PIK3AP1: variants seen among roughly 807,000 people sequenced by gnomAD.
PIK3AP1 encodes phosphoinositide 3-kinase adapter protein 1.
PIK3AP1 carries 21 observed loss-of-function variants against 88.1 expected under a neutral mutation model. The observed-to-expected ratio is 0.24, with a 90% CI of 0.17 to 0.34. The LOEUF (loss-of-function observed/expected upper bound fraction) is 0.34. PIK3AP1 is among the 10% of genes least tolerant of loss of function. PIK3AP1 has a pLI of 1.00. For synonymous variants in PIK3AP1, 398 were observed against 400.0 expected (o/e 1.00, Z 0.06); for missense variants, 828 against 1,035.7 (o/e 0.80, Z 2.75).
chr10:96,696,843 T>C (rs1027444709), intron 2 of PIK3AP1, among the ~76,000 whole-genome samples: 1 of 152,260 alleles, frequency 6.6e-6, no homozygotes, highest in African/African-American at 2.4e-5. Flanking sequence ...GGATAATTTG[T>C]TAGCTGAAGT....
At position 96,593,921 on chromosome 10, in the gene PIK3AP1, CATT is replaced by C. The variant is rs1284121805; in HGVS notation, c.*1653_*1655del. The stretch of plus-strand genomic sequence containing the variant: ...ATGAAATTGAGAAAGAACCTTTAAT[CATT>C]AGAAAAGGACCCAATAAAACTATAC... On this transcript the variant is annotated 3_prime_UTR_variant, in exon 17 of 17. Coordinates refer to ENST00000339364, the MANE Select transcript of PIK3AP1 (RefSeq NM_152309.3). The C allele has an allele frequency of 6.6e-6, 1 of 152,182 alleles. No homozygotes were observed. Among genetic ancestry groups the C allele is most frequent in the Non-Finnish European group, 1.5e-5 (1 of 68,032 alleles). 9.4% of individuals were successfully genotyped at this position (152,182 alleles called of 1,614,324 possible). A position where few individuals can be genotyped will look rare whatever the true frequency, so the allele number is the denominator to read the frequency against.
At chr10:96,717,690 G>T (rs750067985) in intron 1 of PIK3AP1, among the ~76,000 whole-genome samples, 34 of 152,172 alleles carry the variant, frequency 2.2e-4, no homozygotes, top group Non-Finnish European at 3.8e-4. Context: ...ACACAGAGGA[G>T]AGAGTACTAG....
chr10:96,719,905 G>C (rs1465238221), intron 1 of PIK3AP1, among the ~76,000 whole-genome samples: 3 of 152,198 alleles, frequency 2.0e-5, no homozygotes, highest in Non-Finnish European at 4.4e-5. Flanking sequence ...GAGGAACGGG[G>C]CTTGGGGAAC....
Position 96,595,239 on chromosome 10 carries a change from A to G in PIK3AP1, c.*338T>C, listed in dbSNP as rs1848735351. 3.4e-6 allele frequency: 1 copy of G among 290,864 alleles called. No individual in the cohort carries two copies. Among genetic ancestry groups the G allele is most frequent in the South Asian group, 5.8e-5 (1 of 17,258 alleles). The allele number at this position is 290,864 out of a possible 1,614,324, so 18.0% of individuals were successfully genotyped here. ...AAGACTAATATAAGTGCATTTCAGT[A>G]AAATCACTGGTGAAGTACATTTATG... is the stretch of plus-strand genomic sequence containing the variant. On this transcript the variant is annotated 3_prime_UTR_variant, in exon 17 of 17. Coordinates refer to ENST00000339364, the MANE Select transcript of PIK3AP1 (RefSeq NM_152309.3).
intron 2 of PIK3AP1, among the ~76,000 whole-genome samples, chr10:96,689,423 A>G (rs1046668797): frequency 2.0e-5 from 3 of 151,296 alleles, no homozygotes; most frequent in Admixed American, 2.0e-4. Context: ...AAAAAAAATT[A>G]GCTGGGCGTG....
chr10:96,694,380 CTG>C (rs1309104481), intron 2 of PIK3AP1, among the ~76,000 whole-genome samples: 1 of 152,062 alleles, frequency 6.6e-6, no homozygotes, highest in Admixed American at 6.6e-5. Context: ...ATGCCACTAA[CTG>C]TGTAATACTG....
chr10:96,597,256 TTC>T (rs1173947142), intron 16 of PIK3AP1, among the ~76,000 whole-genome samples: 2 of 139,244 alleles, frequency 1.4e-5, no homozygotes, highest in African/African-American at 5.3e-5. Flanking sequence ...CCTTCTTTTT[TTC>T]TTTCTTTCTT....
chr10:96,715,530 ACT>A (rs1050641696), intron 1 of PIK3AP1, among the ~76,000 whole-genome samples: 4 of 152,124 alleles, frequency 2.6e-5, no homozygotes, highest in Admixed American at 1.3e-4. Context: ...CTATATGAGA[ACT>A]CTCTGTACTA....
At chr10:96,678,826 G>C (rs918260343) in intron 2 of PIK3AP1, among the ~76,000 whole-genome samples, 3 of 152,124 alleles carry the variant, frequency 2.0e-5, no homozygotes, top group African/African-American at 7.2e-5. Context: ...TCACAATATA[G>C]TTTATTTCCT....
At chr10:96,671,895 G>T (rs1232455370) in intron 2 of PIK3AP1, among the ~76,000 whole-genome samples, 1 of 152,018 alleles carries the variant, frequency 6.6e-6, no homozygotes, top group African/African-American at 2.4e-5. Flanking sequence ...ACAAAATTTA[G>T]TCAGGCATGG....
intron 2 of PIK3AP1, among the ~76,000 whole-genome samples, chr10:96,702,333 T>C (rs1844308075): frequency 6.6e-6 from 1 of 151,998 alleles, no homozygotes; most frequent in African/African-American, 2.4e-5. Flanking sequence ...ACCCCATCTC[T>C]ACTAAAAATA....
At chr10:96,640,090 G>A (rs891502551) in intron 8 of PIK3AP1, among the ~76,000 whole-genome samples, 3 of 152,334 alleles carry the variant, frequency 2.0e-5, no homozygotes, top group African/African-American at 7.2e-5. Context: ...CTAGAGCTAA[G>A]TCAGCTCTCC....
Position 96,656,792 on chromosome 10 carries a change from G to A in PIK3AP1, c.567+6C>T. ...ATCCAGCTACCAGGCCCCCAGCAGTGCCTACCCCACAGCGAATGCGGTCCG... is the reference window on the plus strand; with the variant it reads ...ATCCAGCTACCAGGCCCCCAGCAGTACCTACCCCACAGCGAATGCGGTCCG... On this transcript the variant is annotated splice_donor_region_variant and intron_variant, in intron 3 of 16. Transcript: ENST00000339364. The A allele has an allele frequency of 6.2e-7, 1 of 1,613,840 alleles. No homozygotes were observed. Among genetic ancestry groups the A allele is most frequent in the African/African-American group, 1.3e-5 (1 of 75,014 alleles).
At position 96,594,279 on chromosome 10, in the gene PIK3AP1, C is replaced by T. The variant is rs1299953331; in HGVS notation, c.*1298G>A. 1.3e-5 allele frequency: 2 copies of T among 152,118 alleles called. No individual in the cohort carries two copies. Among genetic ancestry groups the T allele is most frequent in the African/African-American group, 4.8e-5 (2 of 41,414 alleles). The allele number at this position is 152,118 out of a possible 1,614,324, so 9.4% of individuals were successfully genotyped here. Reference sequence around the variant, plus strand: ...TCCAGGATCCCCCAGTATCAAAATCCACAAATGCTCAAGTCCCATATATAA... The same window carrying T: ...TCCAGGATCCCCCAGTATCAAAATCTACAAATGCTCAAGTCCCATATATAA... On this transcript the variant is annotated 3_prime_UTR_variant, in exon 17 of 17. Coordinates refer to ENST00000339364, the MANE Select transcript of PIK3AP1 (RefSeq NM_152309.3). This position sits in a 1 kb window ranked among gnomAD's most constrained non-coding sequence, Gnocchi z 4.6.
chr10:96,704,716 C>T (rs1026709796), intron 2 of PIK3AP1, among the ~76,000 whole-genome samples: 6 of 149,696 alleles, frequency 4.0e-5, no homozygotes, highest in African/African-American at 1.5e-4. Context: ...GAGACTCTAT[C>T]TCAAAAAGAA....
intron 1 of PIK3AP1, among the ~76,000 whole-genome samples, chr10:96,715,309 C>G (rs1404807120): frequency 6.6e-6 from 1 of 152,146 alleles, no homozygotes; most frequent in African/African-American, 2.4e-5. Flanking sequence ...AAAATCACAG[C>G]CTTGAAGGGC....
chr10:96,700,938 G>T, intron 2 of PIK3AP1: 1 of 955,962 alleles, frequency 1.0e-6, no homozygotes, highest in Non-Finnish European at 1.2e-6. Context: ...GGACTACTGT[G>T]CCCATAACAG....
At chr10:96,692,528 C>T (rs1217887331) in intron 2 of PIK3AP1, among the ~76,000 whole-genome samples, 2 of 151,370 alleles carry the variant, frequency 1.3e-5, no homozygotes, top group East Asian at 3.9e-4. Flanking sequence ...GAGCCGAGAT[C>T]GCCACTGCAC....
At chr10:96,641,184 T>C (rs1028815997) in intron 8 of PIK3AP1, among the ~76,000 whole-genome samples, 9 of 151,236 alleles carry the variant, frequency 6.0e-5, no homozygotes, top group South Asian at 2.1e-4. Flanking sequence ...TGGAGCAGAA[T>C]TGTACAATCT....
Sources: gnomAD v4.1 joint callset for allele counts (sites outside exome capture counted in the v4.1 genomes callset) on GRCh38, gnomAD v4.1.1 for gene constraint, Gnocchi (gnomAD v3.1) non-coding constraint, MANE v1.5 for transcripts, NCBI Gene and HGNC (gene_info 2026-07-23, HGNC 2026-07-21) for gene names.